The following RBMS3 variants were observed in gnomAD, a reference collection of about 807,000 sequenced individuals.
RBMS3 encodes RNA-binding motif, single-stranded-interacting protein 3.
A neutral mutation model predicts 66.8 loss-of-function variants in RBMS3; 27 were observed. The ratio of observed to expected loss-of-function variants is 0.40; its 90% CI spans 0.30 to 0.56. RBMS3 has a LOEUF of 0.56. Among genes scored for constraint, RBMS3 ranks in the 20% least tolerant of loss-of-function variants. The probability of loss-of-function intolerance (pLI) is 0.40; values close to 1 mark genes in which losing one functional copy is unlikely to be tolerated. For synonymous variants in RBMS3, 188 were observed against 183.0 expected, an observed-to-expected ratio of 1.03 and a Z score of -0.22; for missense variants, 513 against 549.5, an observed-to-expected ratio of 0.93 and a Z score of 0.66.
At chr3:29,711,206 G>A (rs970704741) in intron 4 of RBMS3, among the ~76,000 whole-genome samples, 1 of 152,154 alleles carries the variant, frequency 6.6e-6, no homozygotes, top group African/African-American at 2.4e-5. Flanking sequence ...AGTTGTCATT[G>A]TGATCCCTCT....
In RBMS3 at chr3:29,563,318, C is replaced by G. The variant is rs901607566; in HGVS notation, c.308-23796C>G. On this transcript the variant is annotated intron_variant, in intron 3 of 14. Transcript: ENST00000383767. ...CACATATTAACGGACAAAACACTCTCCTAAATTGCTTGGATATTTCAAGCT... is the reference window on the plus strand; with the variant it reads ...CACATATTAACGGACAAAACACTCTGCTAAATTGCTTGGATATTTCAAGCT... 1.6e-4 allele frequency among the ~76,000 whole-genome samples: 25 copies of G among 152,200 alleles called. 1 individual carries two copies. Among genetic ancestry groups the G allele is most frequent in the African/African-American group, 4.8e-4 (20 of 41,458 alleles).
Position 29,446,054 on chromosome 3 carries a change from T to A in RBMS3, c.248+11139T>A, listed in dbSNP as rs527435999. ...ATTTCTATCATCCGCAGAGATTTTT[T>A]AAAATATAATCATATTCTAAGAAGT... On this transcript the variant is annotated intron_variant, in intron 2 of 14. Coordinates refer to ENST00000383767, the MANE Select transcript of RBMS3 (RefSeq NM_001003793.3). Among the ~76,000 whole-genome samples the A allele has an allele frequency of 4.9e-4, 75 of 152,288 alleles. 1 individual carries two copies. The South Asian group carries it at 0.014, about 29-fold the overall frequency.
intron 3 of RBMS3, among the ~76,000 whole-genome samples, chr3:29,552,521 T>C (rs182404530): frequency 5.3e-4 from 80 of 152,320 alleles, no homozygotes; most frequent in Admixed American, 5.2e-3. Flanking sequence ...ATATTTCTCT[T>C]TAAAACACAC....
At chr3:29,920,731 T>C (rs576521434) in intron 10 of RBMS3, among the ~76,000 whole-genome samples, 2 of 152,046 alleles carry the variant, frequency 1.3e-5, no homozygotes, top group African/African-American at 4.8e-5. Context: ...ATCCCAGCAC[T>C]TTGGAAGGTG....
intron 4 of RBMS3, among the ~76,000 whole-genome samples, chr3:29,714,122 A>G (rs2053290051): frequency 1.4e-5 from 2 of 141,170 alleles, no homozygotes; most frequent in Non-Finnish European, 1.6e-5. Context: ...AGCACCCACT[A>G]TAAGCCAGGA....
At chr3:29,952,204 T>C (rs976728718) in intron 12 of RBMS3, among the ~76,000 whole-genome samples, 19 of 151,942 alleles carry the variant, frequency 1.3e-4, no homozygotes, top group South Asian at 1.0e-3. Flanking sequence ...CATCTCAACG[T>C]TATGGCATTT....
At chr3:29,813,550 C>A (rs12497771) in intron 6 of RBMS3, among the ~76,000 whole-genome samples, 6,721 of 151,974 alleles carry the variant, frequency 0.044, 233 homozygotes, top group Admixed American at 0.084. Flanking sequence ...GATGGCATTG[C>A]ATCTGTAAAT....
At chr3:29,331,216 C>T (rs2035633878) in intron 1 of RBMS3, among the ~76,000 whole-genome samples, 1 of 152,104 alleles carries the variant, frequency 6.6e-6, no homozygotes, top group Non-Finnish European at 1.5e-5. Flanking sequence ...TTTCTGCACT[C>T]CCTTCATCTG....
chr3:29,698,540 C>A, intron 4 of RBMS3: 3 of 985,078 alleles, frequency 3.0e-6, no homozygotes, highest in Non-Finnish European at 3.6e-6. Flanking sequence ...GTCAAGATGG[C>A]GGATTCAATG....
chr3:29,873,843 A>C (rs1392476505), intron 7 of RBMS3, among the ~76,000 whole-genome samples: 2 of 152,184 alleles, frequency 1.3e-5, no homozygotes, highest in Non-Finnish European at 2.9e-5. Context: ...ATTTGAGATA[A>C]TCAAGTGTTT....
chr3:29,864,411 G>GT (rs1356448139), intron 6 of RBMS3, among the ~76,000 whole-genome samples: 2 of 152,194 alleles, frequency 1.3e-5, no homozygotes, highest in Admixed American at 1.3e-4. Flanking sequence ...TGCTGTAGTG[G>GT]CCAGATGACC....
chr3:29,972,013 A>G (rs1476543053), intron 12 of RBMS3, among the ~76,000 whole-genome samples: 2 of 152,184 alleles, frequency 1.3e-5, no homozygotes, highest in African/African-American at 2.4e-5. Flanking sequence ...GTAGGTCACA[A>G]TGATTTTAAG....
chr3:29,710,896 C>T (rs1395731936), intron 4 of RBMS3, among the ~76,000 whole-genome samples: 1 of 152,114 alleles, frequency 6.6e-6, no homozygotes, highest in Non-Finnish European at 1.5e-5. Context: ...ATTGCTTATA[C>T]AGCCATTACT....
intron 7 of RBMS3, among the ~76,000 whole-genome samples, chr3:29,876,991 T>G (rs1375261137): frequency 6.6e-6 from 1 of 152,162 alleles, no homozygotes; most frequent in Admixed American, 6.5e-5. Context: ...CACAATGGTG[T>G]GACTGATGGA....
intron 8 of RBMS3, among the ~76,000 whole-genome samples, chr3:29,887,448 G>A (rs2059898658): frequency 6.6e-6 from 1 of 151,650 alleles, no homozygotes; most frequent in Admixed American, 6.6e-5. Context: ...TTTATAAGAG[G>A]CTCATCCCCC....
intron 6 of RBMS3, among the ~76,000 whole-genome samples, chr3:29,777,331 C>A (rs537205249): frequency 1.1e-4 from 17 of 151,990 alleles, no homozygotes; most frequent in African/African-American, 3.9e-4. Context: ...ATTCTTTTAT[C>A]TCCTCCAATA....
At chr3:29,449,121 G>A (rs1461571016) in intron 2 of RBMS3, among the ~76,000 whole-genome samples, 1 of 152,172 alleles carries the variant, frequency 6.6e-6, no homozygotes, top group African/African-American at 2.4e-5. Flanking sequence ...TCTCAAAAAT[G>A]CTTGTCAGTG....
chr3:29,413,432 T>C (rs1466671805), intron 1 of RBMS3, among the ~76,000 whole-genome samples: 2 of 141,472 alleles, frequency 1.4e-5, no homozygotes, highest in Non-Finnish European at 3.2e-5. Context: ...ATACACAGAG[T>C]TGCAGCAGAA....
chr3:29,502,142 C>G (rs184059420), intron 3 of RBMS3, among the ~76,000 whole-genome samples: 1 of 152,074 alleles, frequency 6.6e-6, no homozygotes, highest in South Asian at 2.1e-4. Context: ...TTAAAACCAG[C>G]CCGCTTCACT....
Sources: allele counts gnomAD v4.1 joint callset (sites outside exome capture counted in the v4.1 genomes callset), GRCh38; gene constraint gnomAD v4.1.1; transcripts MANE v1.5; gene names NCBI Gene and HGNC (gene_info 2026-07-23, HGNC 2026-07-21).